Variants in BMPR1A observed in about 807,000 individuals in gnomAD.
The protein encoded by BMPR1A is bone morphogenetic protein receptor type 1A.
A neutral mutation model predicts 66.0 loss-of-function variants in BMPR1A; 7 were observed. The ratio of observed to expected loss-of-function variants is 0.11; its 90% confidence interval spans 0.06 to 0.20. BMPR1A has a LOEUF of 0.20. Among genes scored for constraint, BMPR1A ranks in the 10% least tolerant of loss-of-function variants. BMPR1A has a pLI of 1.00. For missense variants in BMPR1A, 408 were observed against 669.1 expected (o/e 0.61, Z 4.31); for synonymous variants, 200 against 229.7 (o/e 0.87, Z 1.17).
At chr10:86,782,463 T>C (rs1841451645) in intron 1 of BMPR1A, among the ~76,000 whole-genome samples, 1 of 152,112 alleles carries the variant, frequency 6.6e-6, no homozygotes, top group Non-Finnish European at 1.5e-5. Flanking sequence ...TGCACAGGAG[T>C]TCTAATTCCT....
At chr10:86,928,151 A>G (rs1037173256), downstream of BMPR1A, 1 of 158,206 alleles carries the variant, frequency 6.3e-6, no homozygotes, top group Non-Finnish European at 1.4e-5. Context: ...GAGATAGAGA[A>G]CTTCTAAACC....
chr10:86,847,040 A>G (rs1405479467), intron 2 of BMPR1A, among the ~76,000 whole-genome samples: 1 of 152,042 alleles, frequency 6.6e-6, no homozygotes, highest in Non-Finnish European at 1.5e-5. Context: ...TTTTTAGTAG[A>G]GATGGGGTTT....
chr10:86,828,155 G>A (rs558162735), intron 1 of BMPR1A, among the ~76,000 whole-genome samples: 1 of 152,158 alleles, frequency 6.6e-6, no homozygotes, highest in South Asian at 2.1e-4. Context: ...CTGTCTCAAG[G>A]AAAAAATTGC....
Position 86,763,790 on chromosome 10 carries a change from G to GTT in BMPR1A, c.-268+6889_-268+6890dup, listed in dbSNP as rs5786745. On this transcript the variant is annotated intron_variant, in intron 1 of 12. Coordinates refer to ENST00000372037, the MANE Select transcript of BMPR1A (RefSeq NM_004329.3). ...AAATCTGTAGGAGACTTGGATAGTTGTTTTTTTTTTTTTTTTTTTGAGACG... is the reference window on the plus strand; with the variant it reads ...AAATCTGTAGGAGACTTGGATAGTTGTTTTTTTTTTTTTTTTTTTTTGAGACG... Among the ~76,000 whole-genome samples the GTT allele has an allele frequency of 0.1, 11,856 of 117,390 alleles. 1,339 individuals carry two copies. Among genetic ancestry groups the GTT allele is most frequent in the African/African-American group, 0.24 (7,439 of 31,148 alleles). The allele number at this position is 117,390 out of a possible 152,430, so 77.0% of individuals were successfully genotyped here.
At chr10:86,820,097 A>G (rs1003740822) in intron 1 of BMPR1A, among the ~76,000 whole-genome samples, 1 of 152,184 alleles carries the variant, frequency 6.6e-6, no homozygotes, top group African/African-American at 2.4e-5. Flanking sequence ...ACTGGAGTGC[A>G]GTGGTGTGAT....
At chr10:86,869,081 T>C (rs1272373937) in intron 2 of BMPR1A, among the ~76,000 whole-genome samples, 1 of 152,196 alleles carries the variant, frequency 6.6e-6, no homozygotes, top group Non-Finnish European at 1.5e-5. Flanking sequence ...AGATTAGATA[T>C]TTTTAATGTA....
At chr10:86,859,948 A>G (rs1412556361) in intron 2 of BMPR1A, among the ~76,000 whole-genome samples, 1 of 152,246 alleles carries the variant, frequency 6.6e-6, no homozygotes, top group African/African-American at 2.4e-5. Context: ...AACAACAACA[A>G]AAGCATCTCT....
At chr10:86,801,119 T>C (rs1841805688) in intron 1 of BMPR1A, among the ~76,000 whole-genome samples, 1 of 152,220 alleles carries the variant, frequency 6.6e-6, no homozygotes, top group Admixed American at 6.5e-5. Context: ...CATAAGCTTA[T>C]TTTTTAAATT....
intron 1 of BMPR1A, among the ~76,000 whole-genome samples, chr10:86,777,554 T>G (rs1841370840): frequency 1.3e-5 from 2 of 151,766 alleles, no homozygotes; most frequent in South Asian, 4.2e-4. Context: ...TGTACTCCAG[T>G]GGGTGACTGA....
At chr10:86,859,516 G>A (rs545176072) in intron 2 of BMPR1A, among the ~76,000 whole-genome samples, 2 of 152,020 alleles carry the variant, frequency 1.3e-5, no homozygotes, top group African/African-American at 2.4e-5. Flanking sequence ...TGAAGAGATT[G>A]CTATACTTAT....
At chr10:86,809,369 A>C (rs1841935236) in intron 1 of BMPR1A, among the ~76,000 whole-genome samples, 1 of 151,590 alleles carries the variant, frequency 6.6e-6, no homozygotes, top group Non-Finnish European at 1.5e-5. Context: ...AGCTCACTGC[A>C]ACCTCCACTT....
At chr10:86,760,189 T>TGTTTG (rs1554875561) in intron 1 of BMPR1A, among the ~76,000 whole-genome samples, 1 of 38,672 alleles carries the variant, frequency 2.6e-5, no homozygotes, top group Non-Finnish European at 4.7e-5. Flanking sequence ...GATTTACCTG[T>TGTTTG]TTTTTTTTTT....
chr10:86,813,236 C>T (rs1016164054), intron 1 of BMPR1A, among the ~76,000 whole-genome samples: 2 of 152,174 alleles, frequency 1.3e-5, no homozygotes, highest in Non-Finnish European at 2.9e-5. Flanking sequence ...TGGTAGGCTT[C>T]TGAGTCCTTC....
At chr10:86,891,289 A>G (rs1169678517) in intron 4 of BMPR1A, among the ~76,000 whole-genome samples, 2 of 152,188 alleles carry the variant, frequency 1.3e-5, no homozygotes. Context: ...TCTTGTCTGT[A>G]GTACCTGCCT....
At chr10:86,838,349 C>G (rs1842380013) in intron 1 of BMPR1A, among the ~76,000 whole-genome samples, 1 of 152,154 alleles carries the variant, frequency 6.6e-6, no homozygotes, top group African/African-American at 2.4e-5. Context: ...TAGACCTATT[C>G]CACAGGCATA....
chr10:86,883,887 T>C (rs1843028842), intron 3 of BMPR1A, among the ~76,000 whole-genome samples: 1 of 117,646 alleles, frequency 8.5e-6, no homozygotes, highest in Non-Finnish European at 1.9e-5. Flanking sequence ...TTTTTTTTTT[T>C]CTATTTGAGA....
intron 2 of BMPR1A, among the ~76,000 whole-genome samples, chr10:86,865,081 C>T (rs62555565): frequency 0.092 from 12,859 of 140,200 alleles, 639 homozygotes; most frequent in African/African-American, 0.13. Flanking sequence ...GCCGAGCCAT[C>T]GTATCCCCTG....
At chr10:86,921,316 T>A (rs1306105952) in intron 10 of BMPR1A, among the ~76,000 whole-genome samples, 1 of 152,104 alleles carries the variant, frequency 6.6e-6, no homozygotes, top group African/African-American at 2.4e-5. Context: ...AGTACTGAGT[T>A]GGATTAAGAG....
chr10:86,892,787 G>C (rs551144276), intron 5 of BMPR1A, among the ~76,000 whole-genome samples: 25 of 151,318 alleles, frequency 1.7e-4, no homozygotes, highest in Non-Finnish European at 3.2e-4. Context: ...TGCTTGAGCC[G>C]GGGAGGCCAA....
Sources: gnomAD v4.1 joint callset for allele counts (sites outside exome capture counted in the v4.1 genomes callset) on GRCh38, gnomAD v4.1.1 for gene constraint, MANE v1.5 for transcripts, NCBI Gene and HGNC (gene_info 2026-07-23, HGNC 2026-07-21) for gene names.